The following MAPKBP1 variants were observed in gnomAD, a reference collection of about 807,000 sequenced individuals.
The protein encoded by MAPKBP1 is mitogen-activated protein kinase binding protein 1.
MAPKBP1 carries 71 observed loss-of-function variants against 170.5 expected under a neutral mutation model. The ratio of observed to expected loss-of-function variants is 0.42; its 90% confidence interval spans 0.34 to 0.51. MAPKBP1 has a LOEUF of 0.51. Among genes scored for constraint, MAPKBP1 ranks in the 20% least tolerant of loss-of-function variants. The pLI is 0.06. For synonymous variants in MAPKBP1, 719 were observed against 757.9 expected (o/e 0.95, Z 0.84); for missense variants, 1,598 against 1,933.0 (o/e 0.83, Z 3.25).
Position 41,819,553 on chromosome 15 carries a change from G to GTGGGT in MAPKBP1, c.2426-42_2426-41insTGGGT, listed in dbSNP as rs1555454066. ...GGGCTCCAGGGTTGGGTGGCGGGGG[G>GTGGGT]GGGGCAGGAGACACTTCCTCTGACT... is the stretch of plus-strand genomic sequence containing the variant. On this transcript the variant is annotated intron_variant, in intron 21 of 30. Coordinates refer to ENST00000457542, the MANE Select transcript of MAPKBP1 (RefSeq NM_014994.3). 1.3e-5 allele frequency: 19 copies of GTGGGT among 1,502,876 alleles called. 1 individual carries two copies. In the South Asian group the frequency reaches 2.2e-4, roughly 17 times the overall value. 93.1% of individuals were successfully genotyped at this position (1,502,876 alleles called of 1,614,324 possible).
chr15:41,774,546 C>G lies in MAPKBP1; in HGVS notation c.-174C>G, dbSNP rs1052129158. On this transcript the variant is annotated 5_prime_UTR_variant, in exon 1 of 31. Coordinates refer to ENST00000457542, the MANE Select transcript of MAPKBP1 (RefSeq NM_014994.3). The stretch of plus-strand genomic sequence containing the variant: ...TACCGCTGCGGCTACCGCGGCGGAG[C>G]TGAAATTGCCGAACGCGATGCCCGA... 2 of 398,532 alleles carry G rather than the reference C, an allele frequency of 5.0e-6. No individual in the cohort carries two copies. Among genetic ancestry groups the G allele is most frequent in the African/African-American group, 4.1e-5 (2 of 48,644 alleles). 24.7% of individuals were successfully genotyped at this position (398,532 alleles called of 1,614,324 possible). A position where few individuals can be genotyped will look rare whatever the true frequency, so the allele number is the denominator to read the frequency against.
At chr15:41,791,636 G>A (rs1370103975) in intron 2 of MAPKBP1, among the ~76,000 whole-genome samples, 2 of 152,152 alleles carry the variant, frequency 1.3e-5, no homozygotes, top group African/African-American at 4.8e-5. Context: ...GGACCGCTTG[G>A]GATCTTATGC....
chr15:41,808,409 T>A (rs1227701338), intron 3 of MAPKBP1, among the ~76,000 whole-genome samples: 1 of 151,354 alleles, frequency 6.6e-6, no homozygotes, highest in African/African-American at 2.4e-5. Flanking sequence ...CCGGCTCTGT[T>A]ATAATTTTCG....
chr15:41,808,479 CTTT>C (rs1351249642), intron 3 of MAPKBP1, among the ~76,000 whole-genome samples: 1 of 138,206 alleles, frequency 7.2e-6, no homozygotes, highest in African/African-American at 2.7e-5. Context: ...TTTTGTCGTA[CTTT>C]TTTTTTTTTT....
chr15:41,794,016 G>T (rs1375373262), intron 2 of MAPKBP1, among the ~76,000 whole-genome samples: 1 of 152,140 alleles, frequency 6.6e-6, no homozygotes, highest in Non-Finnish European at 1.5e-5. Flanking sequence ...GATTGCTTGA[G>T]GTCAGGAGTT....
At position 41,803,494 on chromosome 15, in the gene MAPKBP1, C is replaced by T. The variant is rs544722789; in HGVS notation, c.206+3580C>T. 4.4e-4 allele frequency among the ~76,000 whole-genome samples: 65 copies of T among 148,464 alleles called. No homozygotes were observed. In the South Asian group the frequency reaches 0.011, roughly 25 times the overall value. On this transcript the variant is annotated intron_variant, in intron 3 of 30. Coordinates refer to ENST00000457542, the MANE Select transcript of MAPKBP1 (RefSeq NM_014994.3). ...GCCAAGGTGGGAGGATTGCTTGAGA[C>T]CAAGAATTTGAAACCAGCCTGGGCA...
chr15:41,823,852 C>A lies in MAPKBP1; in HGVS notation c.4004C>A (p.Thr1335Asn), dbSNP rs1280274107. The A allele has an allele frequency of 6.2e-7, 1 of 1,614,226 alleles. No homozygotes were observed. The highest frequency in any genetic ancestry group is 8.5e-7 in the Non-Finnish European group (1 of 1,180,042). ...PVGLGKAHST[T>N]ERWACLGEGT... ...GGCCTAGGAAAAGCTCACAGTACAACTGAGAGATGGGCCTGTTTGGGGGAG... is the reference window on the plus strand; with the variant it reads ...GGCCTAGGAAAAGCTCACAGTACAAATGAGAGATGGGCCTGTTTGGGGGAG... Residue 1335 changes from threonine (T) to asparagine (N), a missense_variant, in exon 29 of 31, where the codon ACT becomes AAT. Physicochemically the swap from Thr to Asn is moderately conservative, Grantham distance 65. Transcript: ENST00000457542.
chr15:41,819,770 C>G, intron 22 of MAPKBP1, 120 bp downstream of exon 22: 1 of 1,042,842 alleles, frequency 9.6e-7, no homozygotes, highest in Non-Finnish European at 1.4e-6. Context: ...ATGCTGCACT[C>G]GTGTGTCCAA....
chr15:41,820,874 A>T lies in MAPKBP1; in HGVS notation c.2524A>T (p.Asn842Tyr). The T allele has an allele frequency of 6.2e-7, 1 of 1,614,068 alleles. No individual in the cohort carries two copies. Among genetic ancestry groups the T allele is most frequent in the Non-Finnish European group, 8.5e-7 (1 of 1,179,980 alleles). Residue 842 changes from asparagine to tyrosine, a missense_variant, in exon 23 of 31, where the codon AAC becomes TAC. Physicochemically the swap from Asn to Tyr is moderately radical, Grantham distance 143. Coordinates refer to ENST00000457542, the MANE Select transcript of MAPKBP1 (RefSeq NM_014994.3). ...GTTCCTGGACCCAGCTCCTGCAGCC[A>T]ACCCAGGACCCAGAAGAAGAGGGCG... ...VGFLDPAPAA[N>Y]PGPRRRGRWV...
chr15:41,812,377 C>T, intron 6 of MAPKBP1, 139 bp from the exon 7 acceptor site: 1 of 1,270,250 alleles, frequency 7.9e-7, no homozygotes, highest in Non-Finnish European at 1.1e-6. Context: ...TATTTCCCTA[C>T]CCCTCTTTTT....
In MAPKBP1 at chr15:41,810,965, C is replaced by G; in HGVS notation, c.269+20C>G. 1 of 1,613,932 alleles carries G rather than the reference C, an allele frequency of 6.2e-7. No homozygotes were observed. On this transcript the variant is annotated intron_variant, in intron 4 of 30. Coordinates refer to ENST00000457542, the MANE Select transcript of MAPKBP1 (RefSeq NM_014994.3). Reference sequence around the variant, plus strand: ...TTCCAGGTAAATGGGCTGGGGTCCTCAGGATACCTCTTCCTTCTGGGAGCT... The same window carrying G: ...TTCCAGGTAAATGGGCTGGGGTCCTGAGGATACCTCTTCCTTCTGGGAGCT...
In MAPKBP1 at chr15:41,817,638, C is replaced by A. The variant is rs762157087; in HGVS notation, c.1807C>A (p.Arg603=). 2 of 1,614,204 alleles carry A rather than the reference C, an allele frequency of 1.2e-6. No individual in the cohort carries two copies. The highest frequency in any genetic ancestry group is 1.7e-5 in the Admixed American group (1 of 60,030). Residue 603 remains arginine (R), a synonymous_variant, in exon 16 of 31, where the codon CGG becomes AGG. Coordinates refer to ENST00000457542, the MANE Select transcript of MAPKBP1 (RefSeq NM_014994.3). This position sits in a 1 kb window ranked among gnomAD's most constrained non-coding sequence, Gnocchi z 4.2. ...GTCTGGAGATGGAGTGCAGTTCACA[C>A]GGACACACCACGTGGTGCGGAAGAC... The part of the protein sequence containing the change: ...QKSGDGVQFT[R]THHVVRKTTL...
intron 23 of MAPKBP1, 97 bp downstream of exon 23, chr15:41,821,165 G>C: frequency 8.6e-7 from 1 of 1,166,978 alleles, no homozygotes; most frequent in East Asian, 2.3e-5. Flanking sequence ...AGCTATGCTT[G>C]CTCTGCCCCT....
rs1401904693 is a variant in MAPKBP1, at chr15:41,799,894, T to C, written c.186T>C (p.Gly62=). The C allele has an allele frequency of 2.5e-6, 4 of 1,613,928 alleles. No individual in the cohort carries two copies. Among genetic ancestry groups the C allele is most frequent in the Non-Finnish European group, 3.4e-6 (4 of 1,179,988 alleles). The part of the protein sequence containing the change: ...GRGLACDPRS[G]LVAYPAGCVV... ...GACTTGCCTGTGACCCCCGATCAGGTTTAGTTGCTTACCCAGCAGGGTAAG... is the reference window on the plus strand; with the variant it reads ...GACTTGCCTGTGACCCCCGATCAGGCTTAGTTGCTTACCCAGCAGGGTAAG... Residue 62 remains glycine (G), a synonymous_variant, in exon 3 of 31, where the codon GGT becomes GGC. Transcript: ENST00000457542.
intron 22 of MAPKBP1, 92 bp from the exon 23 acceptor site, chr15:41,820,740 T>C: frequency 1.1e-6 from 1 of 877,624 alleles, no homozygotes; most frequent in Non-Finnish European, 1.8e-6. Flanking sequence ...GTATGTGTAG[T>C]GTGCCAGGCA....
intron 2 of MAPKBP1, among the ~76,000 whole-genome samples, chr15:41,789,903 T>C (rs1434847193): frequency 6.6e-6 from 1 of 152,194 alleles, no homozygotes; most frequent in Non-Finnish European, 1.5e-5. Context: ...GTGTGCTGTT[T>C]CAGAAACTGT....
intron 2 of MAPKBP1, among the ~76,000 whole-genome samples, 177 bp downstream of exon 2, chr15:41,775,566 G>C (rs1158897636): frequency 6.6e-6 from 1 of 152,216 alleles, no homozygotes; most frequent in Non-Finnish European, 1.5e-5. Context: ...GAGCAGCAGG[G>C]GTGGGCATGC....
Position 41,823,822 on chromosome 15 carries a change from C to T in MAPKBP1, c.3974C>T (p.Pro1325Leu), listed in dbSNP as rs185127772. 3.0e-5 allele frequency: 49 copies of T among 1,614,182 alleles called. No homozygotes were observed. The highest frequency in any genetic ancestry group is 1.3e-4 in the African/African-American group (10 of 75,036). ...APGEAEKPGF[P>L]VGLGKAHSTT... is the part of the protein sequence containing the mutation. ...GGCGAGGCAGAAAAGCCTGGCTTCC[C>T]GGTGGGCCTAGGAAAAGCTCACAGT... Residue 1325 changes from proline (P) to leucine (L), a missense_variant, in exon 29 of 31, where the codon CCG becomes CTG. By Grantham distance (98) the Pro-to-Leu change is moderately conservative. This residue lies in a region of MAPKBP1 where 942 missense variants were observed against 953.2 expected (regional missense o/e 0.99). Coordinates refer to ENST00000457542, the MANE Select transcript of MAPKBP1 (RefSeq NM_014994.3).
Position 41,816,945 on chromosome 15 carries a change from C to G in MAPKBP1, c.1621C>G (p.Leu541Val). ...KLLASASRDR[L>V]IHVLDAGREY... ...GCTAGCATCGGCGAGCCGGGACCGG[C>G]TGATCCATGTGCTGGATGCCGGGCG... Residue 541 changes from leucine to valine, a missense_variant, in exon 14 of 31, where the codon CTG becomes GTG. Around this residue, in one of 6 missense-constraint regions of MAPKBP1, gnomAD observed 430 missense variants for 617.2 expected, o/e 0.70. Coordinates refer to ENST00000457542, the MANE Select transcript of MAPKBP1 (RefSeq NM_014994.3). 4 of 1,612,292 alleles carry G rather than the reference C, an allele frequency of 2.5e-6. No homozygotes were observed. Among genetic ancestry groups the G allele is most frequent in the Non-Finnish European group, 3.4e-6 (4 of 1,178,830 alleles).
Sources: gnomAD v4.1 joint callset for allele counts (sites outside exome capture counted in the v4.1 genomes callset) on GRCh38, gnomAD v4.1.1 for gene constraint, gnomAD v4.1.1 regional missense constraint, Gnocchi (gnomAD v3.1) non-coding constraint, MANE v1.5 for transcripts, NCBI Gene and HGNC (gene_info 2026-07-23, HGNC 2026-07-21) for gene names.